DTWD2: variants seen among roughly 807,000 people sequenced by gnomAD.
The protein encoded by DTWD2 is DTW motif tRNA-uridine aminocarboxypropyltransferase 2.
A neutral mutation model predicts 31.8 loss-of-function variants in DTWD2; 39 were observed. That is an observed-to-expected ratio of 1.22 (90% CI 0.95 to 1.60). DTWD2 has a LOEUF of 1.60. Among genes scored for constraint, DTWD2 ranks in the 40% most tolerant of loss-of-function variants. DTWD2 has a pLI of 0.00. For synonymous variants in DTWD2, 180 were observed against 142.8 expected (o/e 1.26, Z -1.86); for missense variants, 515 against 381.5 (o/e 1.35, Z -2.92).
chr5:118,918,844 G>C (rs995509451), intron 4 of DTWD2, among the ~76,000 whole-genome samples: 2 of 146,606 alleles, frequency 1.4e-5, no homozygotes, highest in Non-Finnish European at 3.0e-5. Flanking sequence ...AAAAAAAAAA[G>C]AAAAGGAATG....
In DTWD2 at chr5:118,923,323, G is replaced by A. The variant is rs150347929; in HGVS notation, c.597+5214C>T. 4.5e-3 allele frequency among the ~76,000 whole-genome samples: 686 copies of A among 152,272 alleles called. 7 individuals are homozygous for A. Among genetic ancestry groups the A allele is most frequent in the African/African-American group, 0.016 (653 of 41,560 alleles). ...CGCCAGAGCGAGGCCATTTCCTGAT[G>A]ATCCACAGCTACTAACATTAAAGTG... On this transcript the variant is annotated intron_variant, in intron 4 of 5. Transcript: ENST00000510708.
At chr5:118,976,067 GAAC>G (rs1755149752) in intron 1 of DTWD2, among the ~76,000 whole-genome samples, 1 of 152,148 alleles carries the variant, frequency 6.6e-6, no homozygotes, top group Admixed American at 6.5e-5. Context: ...CACGGAAACT[GAAC>G]AACCTGCTCC....
intron 4 of DTWD2, among the ~76,000 whole-genome samples, chr5:118,919,992 C>T (rs1753664878): frequency 6.6e-6 from 1 of 151,180 alleles, no homozygotes; most frequent in Non-Finnish European, 1.5e-5. Context: ...TTGTATATTA[C>T]AGTGTAATAA....
chr5:118,857,240 T>C (rs1561428498), intron 4 of DTWD2, among the ~76,000 whole-genome samples: 2 of 152,260 alleles, frequency 1.3e-5, no homozygotes, highest in East Asian at 3.9e-4. Context: ...GGGGTGTGTA[T>C]ATGTGTGTGT....
intron 1 of DTWD2, among the ~76,000 whole-genome samples, chr5:118,985,742 G>A (rs1755413139): frequency 6.6e-6 from 1 of 151,808 alleles, no homozygotes; most frequent in Non-Finnish European, 1.5e-5. Flanking sequence ...ATTTAAATAA[G>A]AATGTTTAAA....
intron 1 of DTWD2, among the ~76,000 whole-genome samples, chr5:118,973,156 G>A (rs563494099): frequency 1.4e-4 from 21 of 149,272 alleles, no homozygotes; most frequent in Admixed American, 1.1e-3. Flanking sequence ...GTCTTTGCAC[G>A]TGAGATGGGT....
At chr5:118,960,453 A>C (rs904380077) in intron 1 of DTWD2, among the ~76,000 whole-genome samples, 3 of 152,220 alleles carry the variant, frequency 2.0e-5, no homozygotes, top group Non-Finnish European at 4.4e-5. Context: ...CTGCAGATAA[A>C]AGGGAATGCT....
rs1366265653 is a variant in DTWD2, at chr5:118,836,635, C to T, written c.*4282G>A. 6.6e-6 allele frequency among the ~76,000 whole-genome samples: 1 copy of T among 152,012 alleles called. No homozygotes were observed. The highest frequency in any genetic ancestry group is 2.4e-5 in the African/African-American group (1 of 41,360). On this transcript the variant is annotated 3_prime_UTR_variant, in exon 6 of 6. Coordinates refer to ENST00000510708, the MANE Select transcript of DTWD2 (RefSeq NM_173666.4). ...TTGCTATGGTCTGAATATTTGTGTC[C>T]CCACAAAACTCACAGGTTGAAACCT...
intron 1 of DTWD2, among the ~76,000 whole-genome samples, chr5:118,970,362 G>A (rs1754956474): frequency 6.6e-6 from 1 of 152,198 alleles, no homozygotes; most frequent in Non-Finnish European, 1.5e-5. Context: ...GGGAGGTGGA[G>A]ATTGCAGTGA....
chr5:118,977,325 A>G (rs1398819238), intron 1 of DTWD2, among the ~76,000 whole-genome samples: 35 of 152,198 alleles, frequency 2.3e-4, no homozygotes, highest in Non-Finnish European at 1.0e-4. Flanking sequence ...TAGTATTGGA[A>G]GTTCTGGTCA....
Position 118,928,552 on chromosome 5 carries a change from G to T in DTWD2, c.582C>A (p.Phe194Leu). ...AKDIFYKNSL[F>L]RHPKQVQLKT... ...ACTAGTTTACCTGTTTGGGATGTCG[G>T]AACAAGGAGTTCTTATAGAAAATGT... Residue 194 changes from phenylalanine to leucine, a missense_variant, in exon 4 of 6, where the codon TTC (phenylalanine) becomes TTA (leucine). Phe to Leu is a conservative substitution (Grantham distance 22, BLOSUM62 0). Coordinates refer to ENST00000510708, the MANE Select transcript of DTWD2 (RefSeq NM_173666.4). 6.6e-7 allele frequency: 1 copy of T among 1,511,926 alleles called. No homozygotes were observed. The highest frequency in any genetic ancestry group is 8.8e-7 in the Non-Finnish European group (1 of 1,132,346). 93.7% of individuals were successfully genotyped at this position (1,511,926 alleles called of 1,614,324 possible). A position where few individuals can be genotyped will look rare whatever the true frequency, so the allele number is the denominator to read the frequency against.
chr5:118,945,522 T>A (rs1754311804), intron 1 of DTWD2, among the ~76,000 whole-genome samples: 1 of 152,114 alleles, frequency 6.6e-6, no homozygotes, highest in South Asian at 2.1e-4. Context: ...CCCAGCACTT[T>A]GGGAGGCTGA....
rs552542557 is a variant in DTWD2 at position 118,921,549 on chromosome 5, G to C, written c.597+6988C>G. Among the ~76,000 whole-genome samples, 232 of 149,440 alleles carry C rather than the reference G, an allele frequency of 1.6e-3. 2 individuals carry two copies. The highest frequency in any genetic ancestry group is 5.5e-3 in the African/African-American group (223 of 40,730). On this transcript the variant is annotated intron_variant, in intron 4 of 5. Coordinates refer to ENST00000510708, the MANE Select transcript of DTWD2 (RefSeq NM_173666.4). ...AAAAAAAAAAAGAAAGAAAGAAAAA[G>C]AAAAAAAAAGTAAAAAGTAAATCAC...
chr5:118,979,869 C>T (rs187639546), intron 1 of DTWD2, among the ~76,000 whole-genome samples: 86 of 152,270 alleles, frequency 5.6e-4, no homozygotes, highest in African/African-American at 2.0e-3. Flanking sequence ...GGTGGGAGAG[C>T]ATCAGGAAGA....
chr5:118,950,074 G>A (rs763132765), intron 1 of DTWD2, among the ~76,000 whole-genome samples: 9 of 151,952 alleles, frequency 5.9e-5, no homozygotes, highest in Non-Finnish European at 8.8e-5. Flanking sequence ...GCTGGGCATG[G>A]TGGCGGACGC....
intron 4 of DTWD2, among the ~76,000 whole-genome samples, chr5:118,924,181 C>T (rs568672220): frequency 6.2e-4 from 95 of 152,272 alleles, no homozygotes; most frequent in African/African-American, 2.2e-3. Context: ...TGTTTATCAG[C>T]AGTTTAGCTA....
intron 1 of DTWD2, among the ~76,000 whole-genome samples, chr5:118,951,559 T>C (rs919540735): frequency 6.6e-6 from 1 of 152,204 alleles, no homozygotes; most frequent in African/African-American, 2.4e-5. Context: ...TGACATTTTC[T>C]GGCTATTTGG....
intron 4 of DTWD2, among the ~76,000 whole-genome samples, chr5:118,860,914 G>T (rs1408803364): frequency 6.6e-6 from 1 of 151,862 alleles, no homozygotes; most frequent in Admixed American, 6.6e-5. Flanking sequence ...TTTTTTCCTG[G>T]TTTATCTCTT....
At chr5:118,970,331 G>C (rs1433522018) in intron 1 of DTWD2, among the ~76,000 whole-genome samples, 1 of 152,176 alleles carries the variant, frequency 6.6e-6, no homozygotes, top group Non-Finnish European at 1.5e-5. Context: ...GGAGGCTGAG[G>C]CACAAGAATC....
Sources: allele counts gnomAD v4.1 joint callset (sites outside exome capture counted in the v4.1 genomes callset), GRCh38; gene constraint gnomAD v4.1.1; transcripts MANE v1.5; gene names NCBI Gene and HGNC (gene_info 2026-07-23, HGNC 2026-07-21).